CEP89: variants seen among roughly 807,000 people sequenced by gnomAD.
CEP89 encodes centrosomal protein of 89 kDa.
A neutral mutation model predicts 97.6 loss-of-function variants in CEP89; 95 were observed. The ratio of observed to expected loss-of-function variants is 0.97; its 90% confidence interval spans 0.82 to 1.15. The LOEUF is 1.15. CEP89 is among the 50% of genes most tolerant of loss of function. The pLI is 0.00. For synonymous variants in CEP89, 354 were observed against 349.1 expected, an observed-to-expected ratio of 1.01 and a Z score of -0.16; for missense variants, 869 against 947.7, an observed-to-expected ratio of 0.92 and a Z score of 1.09.
At chr19:32,935,514 G>A (rs961410916) in intron 7 of CEP89, among the ~76,000 whole-genome samples, 5 of 152,176 alleles carry the variant, frequency 3.3e-5, no homozygotes, top group African/African-American at 9.7e-5. Flanking sequence ...GGGCTGAGCC[G>A]CAGGATACAC....
rs529960635 is a variant in CEP89 at position 32,936,705 on chromosome 19, C to A, written c.667+926G>T. On this transcript the variant is annotated intron_variant, in intron 7 of 18. Coordinates refer to ENST00000305768, the MANE Select transcript of CEP89 (RefSeq NM_032816.5). This position sits in a 1 kb window ranked among gnomAD's most constrained non-coding sequence, Gnocchi z 4.5. The stretch of plus-strand genomic sequence containing the variant: ...CTGATAGCTGGAGATGTCAGAGGAC[C>A]AGCAGCAGAGAGGAGCAACCCACTC... 6.6e-6 allele frequency among the ~76,000 whole-genome samples: 1 copy of A among 152,148 alleles called. No homozygotes were observed. Among genetic ancestry groups the A allele is most frequent in the Non-Finnish European group, 1.5e-5 (1 of 67,970 alleles).
At position 32,877,138 on chromosome 19, in the gene CEP89, C is replaced by G. The variant is rs1245023463; in HGVS notation, c.*2024G>C. The G allele has an allele frequency of 6.6e-6, 1 of 152,218 alleles. No individual in the cohort carries two copies. 9.4% of individuals were successfully genotyped at this position (152,218 alleles called of 1,614,324 possible). A position where few individuals can be genotyped will look rare whatever the true frequency, so the allele number is the denominator to read the frequency against. On this transcript the variant is annotated 3_prime_UTR_variant, in exon 19 of 19. Transcript: ENST00000305768. ...TCCTAGGGAGATGATACACAGTTTT[C>G]AATCCCAGTGAGTCTTTCTACCGCT...
At chr19:32,888,590 C>A (rs916143120) in intron 16 of CEP89, among the ~76,000 whole-genome samples, 1 of 151,148 alleles carries the variant, frequency 6.6e-6, no homozygotes, top group Non-Finnish European at 1.5e-5. Flanking sequence ...GGCTGAGGCA[C>A]GAGAATGGCT....
intron 3 of CEP89, among the ~76,000 whole-genome samples, chr19:32,955,151 A>AT (rs981047046): frequency 3.3e-5 from 5 of 150,716 alleles, no homozygotes; most frequent in African/African-American, 1.2e-4. Context: ...TACCCAGCTA[A>AT]TTTTTTGTTT....
chr19:32,910,265 CAGAGAG>C lies in CEP89; in HGVS notation c.1565+5066_1565+5071del, dbSNP rs71336978. Among the ~76,000 whole-genome samples, 418 of 140,678 alleles carry C rather than the reference CAGAGAG, an allele frequency of 3.0e-3. 3 individuals are homozygous for C. The highest frequency in any genetic ancestry group is 0.01 in the African/African-American group (388 of 37,112). 92.3% of individuals were successfully genotyped at this position (140,678 alleles called of 152,430 possible). The stretch of plus-strand genomic sequence containing the variant: ...TGGGTGACAGAGCGAGACTCTGCCT[CAGAGAG>C]AGAGAGAGAGAGAGAGAGCGAGAGA... On this transcript the variant is annotated intron_variant, in intron 14 of 18. Coordinates refer to ENST00000305768, the MANE Select transcript of CEP89 (RefSeq NM_032816.5).
chr19:32,922,172 G>T (rs1970262914), intron 12 of CEP89, among the ~76,000 whole-genome samples: 1 of 152,178 alleles, frequency 6.6e-6, no homozygotes, highest in East Asian at 1.9e-4. Context: ...GGAGGCAGAT[G>T]TGGAGGCAGA....
rs566918596 is a variant in CEP89, at chr19:32,930,896, T to A, written c.1029+533A>T. On this transcript the variant is annotated intron_variant, in intron 9 of 18. Coordinates refer to ENST00000305768, the MANE Select transcript of CEP89 (RefSeq NM_032816.5). ...TCTTTTACTTTTGTTATTTTTTTTT[T>A]AATTTTTGAGACAGGGTCTTGCTCT... Among the ~76,000 whole-genome samples the A allele has an allele frequency of 3.7e-3, 556 of 151,978 alleles. 3 individuals are homozygous for A. The highest frequency in any genetic ancestry group is 0.012 in the African/African-American group (518 of 41,460).
intron 1 of CEP89, among the ~76,000 whole-genome samples, chr19:32,968,601 C>G (rs1387342725): frequency 6.6e-6 from 1 of 152,086 alleles, no homozygotes; most frequent in Non-Finnish European, 1.5e-5. Context: ...AGCAGGTCCT[C>G]CAAAAAGGCT....
rs71336973 is a variant in CEP89, at chr19:32,892,202, CATATATATATATATATATATATAT to C, written c.1876-4385_1876-4362del. The stretch of plus-strand genomic sequence containing the variant: ...TATATATTTAGAATATATATTTAGA[CATATATATATATATATATATATAT>C]ATATATATATATATATGTCTAGTTA... On this transcript the variant is annotated intron_variant, in intron 16 of 18. Transcript: ENST00000305768. Among the ~76,000 whole-genome samples, 406 of 115,040 alleles carry C rather than the reference CATATATATATATATATATATATAT, an allele frequency of 3.5e-3. 4 individuals carry two copies. Among genetic ancestry groups the C allele is most frequent in the Non-Finnish European group, 4.0e-3 (220 of 54,850 alleles). The allele number at this position is 115,040 out of a possible 152,430, so 75.5% of individuals were successfully genotyped here. A position where few individuals can be genotyped will look rare whatever the true frequency, so the allele number is the denominator to read the frequency against.
Position 32,917,751 on chromosome 19 carries a change from T to C in CEP89, c.1384+473A>G, listed in dbSNP as rs1970157665. ...TGGGAAGAGATGGGAAGAGGGACAC[T>C]CTCGGAAGGTGTTTGATGGAAATCT... On this transcript the variant is annotated intron_variant, in intron 13 of 18. Transcript: ENST00000305768. 3.1e-6 allele frequency: 3 copies of C among 976,884 alleles called. No individual in the cohort carries two copies. In the African/African-American group the frequency reaches 5.3e-5, roughly 17 times the overall value. 60.5% of individuals were successfully genotyped at this position (976,884 alleles called of 1,614,324 possible).
At chr19:32,942,072 G>T (rs1157090322) in intron 5 of CEP89, among the ~76,000 whole-genome samples, 1 of 152,114 alleles carries the variant, frequency 6.6e-6, no homozygotes, top group Non-Finnish European at 1.5e-5. Flanking sequence ...GGAGTTACAT[G>T]AAATAGAATG....
chr19:32,931,748 C>G (rs1970479076), intron 8 of CEP89, among the ~76,000 whole-genome samples, 177 bp from the exon 9 acceptor site: 1 of 152,088 alleles, frequency 6.6e-6, no homozygotes, highest in African/African-American at 2.4e-5. Flanking sequence ...ATAAAAGTTA[C>G]AACGTTTTTT....
intron 17 of CEP89, among the ~76,000 whole-genome samples, chr19:32,882,337 C>T (rs948737037): frequency 9.9e-5 from 15 of 152,070 alleles, no homozygotes; most frequent in East Asian, 1.9e-4. Context: ...CTGAGGCAGG[C>T]GGATCACTTG....
At chr19:32,934,864 G>A (rs1372404256) in intron 7 of CEP89, among the ~76,000 whole-genome samples, 1 of 152,180 alleles carries the variant, frequency 6.6e-6, no homozygotes, top group Non-Finnish European at 1.5e-5. Context: ...TGCAATCCCA[G>A]CACTTTGGGA....
intron 14 of CEP89, among the ~76,000 whole-genome samples, chr19:32,907,882 C>T (rs183305093): frequency 4.6e-5 from 7 of 152,284 alleles, no homozygotes; most frequent in South Asian, 4.2e-4. Context: ...TCACTGTGCC[C>T]GGCCCCATTT....
At chr19:32,940,599 T>C (rs974576579) in intron 5 of CEP89, among the ~76,000 whole-genome samples, 3 of 152,154 alleles carry the variant, frequency 2.0e-5, no homozygotes, top group Non-Finnish European at 1.5e-5. Flanking sequence ...GTCAGAAAAA[T>C]AGTTGTTCCT....
At chr19:32,900,743 T>C (rs904306502) in intron 15 of CEP89, among the ~76,000 whole-genome samples, 4 of 152,224 alleles carry the variant, frequency 2.6e-5, no homozygotes, top group African/African-American at 7.2e-5. Flanking sequence ...TTATAGACTT[T>C]AGAAATGTTG....
At chr19:32,905,048 A>T (rs1568552672) in intron 14 of CEP89, among the ~76,000 whole-genome samples, 1 of 152,174 alleles carries the variant, frequency 6.6e-6, no homozygotes, top group Non-Finnish European at 1.5e-5. Flanking sequence ...TAATGACACT[A>T]TTGTTTTCCC....
At position 32,934,943 on chromosome 19, in the gene CEP89, T is replaced by C. The variant is rs148190133; in HGVS notation, c.668-1274A>G. On this transcript the variant is annotated intron_variant, in intron 7 of 18. Coordinates refer to ENST00000305768, the MANE Select transcript of CEP89 (RefSeq NM_032816.5). ...GCCTGAGCAACATAGCAAGAGCCCA[T>C]CTCTACAAAAATCAATCAATAAATA... is the stretch of plus-strand genomic sequence containing the variant. Among the ~76,000 whole-genome samples, 149 of 152,238 alleles carry C rather than the reference T, an allele frequency of 9.8e-4. 1 individual carries two copies. The highest frequency in any genetic ancestry group is 3.4e-3 in the African/African-American group (141 of 41,560).
Sources: gnomAD v4.1 joint callset for allele counts (sites outside exome capture counted in the v4.1 genomes callset) on GRCh38, gnomAD v4.1.1 for gene constraint, Gnocchi (gnomAD v3.1) non-coding constraint, MANE v1.5 for transcripts, NCBI Gene and HGNC (gene_info 2026-07-23, HGNC 2026-07-21) for gene names.